Variants in CYTH3 observed in about 807,000 individuals in gnomAD.
CYTH3 encodes cytohesin 3.
In CYTH3, 23 loss-of-function variants were observed where a neutral mutation model predicts 55.1. That is an observed-to-expected ratio of 0.42 (90% CI 0.30 to 0.59). CYTH3 has a LOEUF of 0.59. CYTH3 is among the 20% of genes least tolerant of loss of function. CYTH3 has a pLI of 0.20. For missense variants in CYTH3, 413 were observed against 524.8 expected (o/e 0.79, Z 2.08); for synonymous variants, 249 against 194.9 (o/e 1.28, Z -2.31).
intron 1 of CYTH3, among the ~76,000 whole-genome samples, chr7:6,233,838 G>C (rs1271999255): frequency 2.0e-5 from 3 of 152,120 alleles, no homozygotes; most frequent in African/African-American, 7.2e-5. Context: ...ACAAGTTCTG[G>C]AGGGTGGGGA....
chr7:6,240,292 C>CAAAAAAAA (rs60884841), intron 1 of CYTH3, among the ~76,000 whole-genome samples: 1 of 60,546 alleles, frequency 1.7e-5, no homozygotes, highest in African/African-American at 4.5e-5. Context: ...GACTCCATCT[C>CAAAAAAAA]AAAAAAAAAA....
chr7:6,242,016 T>C (rs1779685090), intron 1 of CYTH3, among the ~76,000 whole-genome samples: 2 of 152,178 alleles, frequency 1.3e-5, no homozygotes, highest in Non-Finnish European at 2.9e-5. Flanking sequence ...TGCTTGCATA[T>C]ACCACTGTAA....
chr7:6,246,316 G>A (rs1292382727), intron 1 of CYTH3, among the ~76,000 whole-genome samples: 3 of 150,874 alleles, frequency 2.0e-5, no homozygotes, highest in African/African-American at 4.9e-5. Context: ...TGTTCCTCCC[G>A]CCTCAACTCC....
At chr7:6,260,754 T>G (rs1408292559) in intron 1 of CYTH3, among the ~76,000 whole-genome samples, 1 of 152,306 alleles carries the variant, frequency 6.6e-6, no homozygotes, top group East Asian at 1.9e-4. Context: ...TCCCCTTTGC[T>G]GTGCTGTCCT....
chr7:6,165,167 A>G (rs964775966), intron 12 of CYTH3, 106 bp downstream of exon 12: 142 of 1,555,298 alleles, frequency 9.1e-5, no homozygotes, highest in Non-Finnish European at 1.1e-4. Context: ...TTCTGGAGAC[A>G]GAAGGTCCAC....
chr7:6,211,799 C>A (rs1288424357), intron 1 of CYTH3, among the ~76,000 whole-genome samples: 1 of 151,936 alleles, frequency 6.6e-6, no homozygotes, highest in African/African-American at 2.4e-5. Flanking sequence ...GAGTTTGAGA[C>A]AAGCCTGGCC....
In CYTH3 at chr7:6,171,164, T is replaced by C. The variant is rs368608609; in HGVS notation, c.562+38A>G. 20 of 1,606,986 alleles carry C rather than the reference T, an allele frequency of 1.2e-5. No individual in the cohort carries two copies. The African/African-American group carries it at 2.5e-4, about 20-fold the overall frequency. ...CCGCCCCCTCCAGAGCTGGAGGCTGTGCCTGGCAAGGGGCCAGGCTGTGGG... is the reference window on the plus strand; with the variant it reads ...CCGCCCCCTCCAGAGCTGGAGGCTGCGCCTGGCAAGGGGCCAGGCTGTGGG... On this transcript the variant is annotated intron_variant, in intron 7 of 12. Coordinates refer to ENST00000350796, the MANE Select transcript of CYTH3 (RefSeq NM_004227.4). This position sits in a 1 kb window ranked among gnomAD's most constrained non-coding sequence, Gnocchi z 6.7.
At chr7:6,196,902 G>A (rs899983616) in intron 1 of CYTH3, among the ~76,000 whole-genome samples, 1 of 152,170 alleles carries the variant, frequency 6.6e-6, no homozygotes, top group African/African-American at 2.4e-5. Context: ...CTTCTGCTGA[G>A]CTCTCCTGTG....
In CYTH3 at chr7:6,190,629, C is replaced by T. The variant is rs868847442; in HGVS notation, c.35-98G>A. 2.7e-4 allele frequency: 239 copies of T among 897,318 alleles called. 2 individuals carry two copies. The Middle Eastern group carries it at 8.2e-3, about 31-fold the overall frequency. The allele number at this position is 897,318 out of a possible 1,614,324, so 55.6% of individuals were successfully genotyped here. On this transcript the variant is annotated intron_variant, in intron 1 of 12. Transcript: ENST00000350796. ...CATGCTGCCACCCAGCAATTCCATA[C>T]GCAGGTATTTATCCTAAAGAAATGC...
At chr7:6,187,818 G>A (rs962453474) in intron 2 of CYTH3, 97 bp from the exon 3 acceptor site, 8 of 958,064 alleles carry the variant, frequency 8.4e-6, no homozygotes, top group South Asian at 3.9e-5. Context: ...GCTTCCCTGC[G>A]GTCTCACCGG....
intron 1 of CYTH3, among the ~76,000 whole-genome samples, chr7:6,240,819 A>T (rs1303249445): frequency 6.6e-6 from 1 of 152,126 alleles, no homozygotes; most frequent in Non-Finnish European, 1.5e-5. Context: ...TAGGTGTGAA[A>T]AAAGAAAAAA....
chr7:6,235,491 A>C (rs947013449), intron 1 of CYTH3, among the ~76,000 whole-genome samples: 2 of 149,188 alleles, frequency 1.3e-5, no homozygotes, highest in Admixed American at 6.7e-5. Context: ...AAAAAAAAAA[A>C]CTGCTTAGTG....
chr7:6,165,538 A>T lies in CYTH3; in HGVS notation c.972+7T>A. 6.2e-7 allele frequency: 1 copy of T among 1,613,552 alleles called. No individual in the cohort carries two copies. Among genetic ancestry groups the T allele is most frequent in the East Asian group, 2.2e-5 (1 of 44,862 alleles). ...GCAGGAGAGAAGGTTCAGGAGGAAG[A>T]GCTTACGGGTTTCCGGGGGTCCTCC... On this transcript the variant is annotated splice_region_variant and intron_variant, in intron 11 of 12. Transcript: ENST00000350796.
At chr7:6,267,525 C>T (rs1233713771) in intron 1 of CYTH3, among the ~76,000 whole-genome samples, 1 of 152,118 alleles carries the variant, frequency 6.6e-6, no homozygotes, top group African/African-American at 2.4e-5. Context: ...TTGCGGTCTT[C>T]CCAGAATATT....
At chr7:6,240,421 A>C (rs1320422692) in intron 1 of CYTH3, among the ~76,000 whole-genome samples, 1 of 152,098 alleles carries the variant, frequency 6.6e-6, no homozygotes, top group African/African-American at 2.4e-5. Flanking sequence ...ATAAAGAAAA[A>C]TGAGGTGGGG....
intron 1 of CYTH3, among the ~76,000 whole-genome samples, chr7:6,219,259 T>C (rs945748400): frequency 6.6e-6 from 1 of 152,188 alleles, no homozygotes; most frequent in Non-Finnish European, 1.5e-5. Context: ...GTGTAAGTGA[T>C]GAACTTGGAT....
At chr7:6,173,301 A>T (rs1304593598) in intron 6 of CYTH3, among the ~76,000 whole-genome samples, 1 of 152,192 alleles carries the variant, frequency 6.6e-6, no homozygotes, top group African/African-American at 2.4e-5. Flanking sequence ...CTTTGGGTCA[A>T]GTGTGGAAGG....
At chr7:6,259,877 C>T (rs1367352199) in intron 1 of CYTH3, among the ~76,000 whole-genome samples, 1 of 122,380 alleles carries the variant, frequency 8.2e-6, no homozygotes, top group Admixed American at 9.0e-5. Flanking sequence ...GTTGCCCAGG[C>T]TGGAGAGCAA....
At chr7:6,181,926 C>T (rs1783513440) in intron 4 of CYTH3, among the ~76,000 whole-genome samples, 1 of 152,132 alleles carries the variant, frequency 6.6e-6, no homozygotes, top group African/African-American at 2.4e-5. Flanking sequence ...TCACAATCCC[C>T]CATTTTTATA....
Sources: allele counts gnomAD v4.1 joint callset (sites outside exome capture counted in the v4.1 genomes callset), GRCh38; gene constraint gnomAD v4.1.1; non-coding constraint Gnocchi (gnomAD v3.1); transcripts MANE v1.5; gene names NCBI Gene and HGNC (gene_info 2026-07-23, HGNC 2026-07-21).